MYOZ1: variants seen among roughly 807,000 people sequenced by gnomAD.
MYOZ1 encodes the protein myozenin 1.
In MYOZ1, 20 loss-of-function variants were observed where a neutral mutation model predicts 28.7. The ratio of observed to expected loss-of-function variants is 0.70; its 90% CI spans 0.49 to 1.01. The LOEUF (loss-of-function observed/expected upper bound fraction) is 1.01. Ranked by LOEUF, MYOZ1 falls within the 50% of genes least tolerant of loss-of-function variation. The probability of loss-of-function intolerance (pLI) is 0.00; values close to 1 mark genes in which losing one functional copy is unlikely to be tolerated. For missense variants in MYOZ1, 371 were observed against 372.4 expected (o/e 1.00, Z 0.03); for synonymous variants, 144 against 145.8 (o/e 0.99, Z 0.09).
Position 73,639,857 on chromosome 10 carries a change from G to C in MYOZ1, c.73+88C>G, listed in dbSNP as rs189746457. ...TCCCACCACTTAATTTCTCTTGTTTGTTCACCCTAAGATATATATTTCTGG... is the reference window on the plus strand; with the variant it reads ...TCCCACCACTTAATTTCTCTTGTTTCTTCACCCTAAGATATATATTTCTGG... On this transcript the variant is annotated intron_variant, in intron 2 of 5. Coordinates refer to ENST00000359322, the MANE Select transcript of MYOZ1 (RefSeq NM_021245.4). The C allele has an allele frequency of 6.1e-6, 8 of 1,314,328 alleles. No homozygotes were observed. In the Admixed American group the frequency reaches 1.5e-4, roughly 25 times the overall value. 81.4% of individuals were successfully genotyped at this position (1,314,328 alleles called of 1,614,324 possible). A position where few individuals can be genotyped will look rare whatever the true frequency, so the allele number is the denominator to read the frequency against.
At position 73,632,038 on chromosome 10, in the gene MYOZ1, G is replaced by C; in HGVS notation, c.792C>G (p.Asn264Lys). ...TAGGGGTTCGATTGAAAGAAGGCCT[G>C]TTGGAGAGGTTTTGGTTGTAGAGGA... ...PLVLYNQNLSNRPSFNRTPIP... is the reference protein window; with the variant it reads ...PLVLYNQNLSKRPSFNRTPIP... The change falls in exon 6 of 6, where the codon AAC becomes AAG. Residue 264 changes from asparagine (N) to lysine (K), a missense_variant. Physicochemically the swap from Asn to Lys is moderately conservative, Grantham distance 94. Transcript: ENST00000359322. The C allele has an allele frequency of 6.2e-7, 1 of 1,614,178 alleles. No homozygotes were observed. Among genetic ancestry groups the C allele is most frequent in the South Asian group, 1.1e-5 (1 of 91,074 alleles).
intron 2 of MYOZ1, 107 bp from the exon 3 acceptor site, chr10:73,638,029 A>T: frequency 9.5e-7 from 1 of 1,054,894 alleles, no homozygotes; most frequent in African/African-American, 1.6e-5. Flanking sequence ...GTGTCCTGGC[A>T]GAGGTCATTT....
intron 3 of MYOZ1, among the ~76,000 whole-genome samples, chr10:73,635,224 C>T (rs996413929): frequency 6.6e-6 from 1 of 151,794 alleles, no homozygotes; most frequent in African/African-American, 2.4e-5. Context: ...GCACCCAGCC[C>T]GAATTAAACT....
chr10:73,638,016 TGTGTGTCCTGGCA>T, intron 2 of MYOZ1, 94 bp from the exon 3 acceptor site: 2 of 1,171,444 alleles, frequency 1.7e-6, no homozygotes, highest in Non-Finnish European at 2.4e-6. Flanking sequence ...TAAGTGTGTA[TGTGTGTCCTGGCA>T]GAGGTCATTT....
At chr10:73,632,532 A>G (rs191944679) in intron 5 of MYOZ1, among the ~76,000 whole-genome samples, 319 of 152,108 alleles carry the variant, frequency 2.1e-3, no homozygotes, top group African/African-American at 7.2e-3. Context: ...TGGGAGGCCA[A>G]GGTGGGTGGA....
chr10:73,638,397 A>G (rs1416769885), intron 2 of MYOZ1, among the ~76,000 whole-genome samples: 3 of 150,794 alleles, frequency 2.0e-5, no homozygotes, highest in Non-Finnish European at 4.4e-5. Flanking sequence ...GAATGGCGCG[A>G]TCTCAGCTCA....
rs138613016 is a variant in MYOZ1 at position 73,632,115 on chromosome 10, T to A, written c.715A>T (p.Thr239Ser). ...GGYEKASKRM[T>S]FQMPKFDLGP... ...AGGTCAAACTTGGGCATCTGGAAGG[T>A]CATGCGTTTGGAGGCCTTCTCATAT... The change falls in exon 6 of 6, where the codon ACC becomes TCC. Residue 239 changes from threonine (T) to serine (S), a missense_variant. Physicochemically the swap from Thr to Ser is moderately conservative, Grantham distance 58. Coordinates refer to ENST00000359322, the MANE Select transcript of MYOZ1 (RefSeq NM_021245.4). 6.2e-7 allele frequency: 1 copy of A among 1,614,038 alleles called. No homozygotes were observed. Among genetic ancestry groups the A allele is most frequent in the Non-Finnish European group, 8.5e-7 (1 of 1,180,034 alleles).
intron 2 of MYOZ1, among the ~76,000 whole-genome samples, 196 bp from the exon 3 acceptor site, chr10:73,638,118 A>G (rs1012254891): frequency 6.6e-6 from 1 of 151,954 alleles, no homozygotes; most frequent in East Asian, 1.9e-4. Context: ...ACTGGGGTGC[A>G]CTGTGGAGAT....
At position 73,634,052 on chromosome 10, in the gene MYOZ1, G is replaced by A. The variant is rs146291202; in HGVS notation, c.516C>T (p.Gly172=). ...ACACAGTGATATGTTTTCCTTCTCC[G>A]CCTGCCTGGTCTCCTGGTAGCCATG... is the stretch of plus-strand genomic sequence containing the variant. ...VGETGSGDQA[G]GEGKHITVFK... The change falls in exon 5 of 6, where the codon GGC becomes GGT. Residue 172 remains glycine (G), a synonymous_variant. Coordinates refer to ENST00000359322, the MANE Select transcript of MYOZ1 (RefSeq NM_021245.4). The A allele has an allele frequency of 5.1e-5, 83 of 1,613,666 alleles. No homozygotes were observed. The highest frequency in any genetic ancestry group is 3.5e-4 in the African/African-American group (26 of 74,990).
At chr10:73,638,292 C>CATATATATATATATATATATATATAT (rs56801610) in intron 2 of MYOZ1, among the ~76,000 whole-genome samples, 12 of 143,232 alleles carry the variant, frequency 8.4e-5, no homozygotes, top group African/African-American at 3.1e-4. Context: ...ATACAGATGC[C>CATATATATATATATATATATATATAT]ATATATATAT....
rs1390964334 is a variant in MYOZ1, at chr10:73,637,804, C to T, written c.192G>A (p.Gln64=). Residue 64 remains glutamine, a synonymous_variant, in exon 3 of 6, where the codon CAG becomes CAA. Coordinates refer to ENST00000359322, the MANE Select transcript of MYOZ1 (RefSeq NM_021245.4). ...CATAAATAAACTTCTCCACCCTCATCTGCCGCAGTTTGAACATCTTGGAGC... is the reference window on the plus strand; with the variant it reads ...CATAAATAAACTTCTCCACCCTCATTTGCCGCAGTTTGAACATCTTGGAGC... ...NRGSKMFKLR[Q]MRVEKFIYEN... is the part of the protein sequence containing the mutation. 1.7e-5 allele frequency: 28 copies of T among 1,614,202 alleles called. No homozygotes were observed. The highest frequency in any genetic ancestry group is 2.1e-5 in the Non-Finnish European group (25 of 1,180,042).
chr10:73,634,643 C>G lies in MYOZ1; in HGVS notation c.343G>C (p.Gly115Arg). The G allele has an allele frequency of 3.7e-6, 6 of 1,614,200 alleles. No homozygotes were observed. The highest frequency in any genetic ancestry group is 5.1e-6 in the Non-Finnish European group (6 of 1,180,028). ...FSYSKSNGRG[G>R]SQAGGSGSAG... ...GAGCCACTGCCCCCTGCCTGGCTGC[C>G]GCCTCTGCCGTTGCTCTTGCTGTAT... The change falls in exon 4 of 6, where the codon GGC becomes CGC. Residue 115 changes from glycine (G) to arginine (R), a missense_variant. Gly to Arg is a moderately radical substitution (Grantham distance 125). Coordinates refer to ENST00000359322, the MANE Select transcript of MYOZ1 (RefSeq NM_021245.4).
intron 2 of MYOZ1, 70 bp downstream of exon 2, chr10:73,639,875 A>G (rs1589447305): frequency 1.4e-6 from 2 of 1,479,418 alleles, no homozygotes; most frequent in Non-Finnish European, 9.4e-7. Context: ...TAAGATATAT[A>G]TTTCTGGGAC....
intron 2 of MYOZ1, among the ~76,000 whole-genome samples, chr10:73,638,825 C>T (rs1162399998): frequency 6.6e-6 from 1 of 150,994 alleles, no homozygotes; most frequent in Non-Finnish European, 1.5e-5. Flanking sequence ...CGGCACCATG[C>T]CCAGTTAATT....
At chr10:73,638,159 GGGTAAAAGA>G (rs1238988107) in intron 2 of MYOZ1, among the ~76,000 whole-genome samples, 2 of 151,836 alleles carry the variant, frequency 1.3e-5, no homozygotes, top group African/African-American at 4.8e-5. Context: ...GAGGCCAATG[GGGTAAAAGA>G]GGTACGGGCA....
rs1229338667 is a variant in MYOZ1 at position 73,637,014 on chromosome 10, C to CT, written c.252+729dup. On this transcript the variant is annotated intron_variant, in intron 3 of 5. Coordinates refer to ENST00000359322, the MANE Select transcript of MYOZ1 (RefSeq NM_021245.4). Reference sequence around the variant, plus strand: ...CTTCTTCCTTTTTTCTTTTTTCTTTCTTTTTTTTTTTTTTTTGAGACAGAG... The same window carrying CT: ...CTTCTTCCTTTTTTCTTTTTTCTTTCTTTTTTTTTTTTTTTTTGAGACAGAG... Among the ~76,000 whole-genome samples, 839 of 132,574 alleles carry CT rather than the reference C, an allele frequency of 6.3e-3. 7 individuals carry two copies. Among genetic ancestry groups the CT allele is most frequent in the East Asian group, 0.017 (75 of 4,540 alleles). The allele number at this position is 132,574 out of a possible 152,430, so 87.0% of individuals were successfully genotyped here.
Position 73,639,998 on chromosome 10 carries a change from G to A in MYOZ1, c.20C>T (p.Pro7Leu), listed in dbSNP as rs370059455. The change falls in exon 2 of 6, where the codon CCG becomes CTG. Residue 7 changes from proline to leucine, a missense_variant. Coordinates refer to ENST00000359322, the MANE Select transcript of MYOZ1 (RefSeq NM_021245.4). Reference sequence around the variant, plus strand: ...GGATTTCCTCTTCTTATTAGGGGCCGGGGTTCCTGAGAGCGGCATTGTGGA... The same window carrying A: ...GGATTTCCTCTTCTTATTAGGGGCCAGGGTTCCTGAGAGCGGCATTGTGGA... MPLSGT[P>L]APNKKRKSSK... is the part of the protein sequence containing the mutation. 88 of 1,613,828 alleles carry A rather than the reference G, an allele frequency of 5.5e-5. No homozygotes were observed. Among genetic ancestry groups the A allele is most frequent in the Middle Eastern group, 1.7e-4 (1 of 6,048 alleles).
At chr10:73,632,799 A>C (rs1326149483) in intron 5 of MYOZ1, among the ~76,000 whole-genome samples, 1 of 151,286 alleles carries the variant, frequency 6.6e-6, no homozygotes, top group Admixed American at 6.6e-5. Flanking sequence ...AAAAAAAAAA[A>C]ATTGCAATAT....
chr10:73,633,658 C>G (rs1242198898), intron 5 of MYOZ1, among the ~76,000 whole-genome samples: 1 of 152,194 alleles, frequency 6.6e-6, no homozygotes, highest in East Asian at 1.9e-4. Flanking sequence ...CATGCCTACA[C>G]AGCTAATAAA....
Sources: allele counts gnomAD v4.1 joint callset (sites outside exome capture counted in the v4.1 genomes callset), GRCh38; gene constraint gnomAD v4.1.1; transcripts MANE v1.5; gene names NCBI Gene and HGNC (gene_info 2026-07-23, HGNC 2026-07-21).